The following SYNDIG1L variants were observed in gnomAD, a reference collection of about 807,000 sequenced individuals.
The protein encoded by SYNDIG1L is synapse differentiation inducing 1 like.
SYNDIG1L carries 13 observed loss-of-function variants against 20.1 expected under a neutral mutation model. That is an observed-to-expected ratio of 0.65 (90% confidence interval 0.42 to 1.03). SYNDIG1L has a LOEUF of 1.03. SYNDIG1L is among the 50% of genes least tolerant of loss of function. The pLI is 0.00. For missense variants in SYNDIG1L, 294 were observed against 305.1 expected, an observed-to-expected ratio of 0.96 and a Z score of 0.27; for synonymous variants, 128 against 129.3, an observed-to-expected ratio of 0.99 and a Z score of 0.07.
chr14:74,463,382 C>A, the SYNDIG1L span, among the ~76,000 whole-genome samples: 9 of 152,152 alleles, frequency 5.9e-5, no homozygotes, highest in Non-Finnish European at 1.2e-4. Context: ...TGCAGAGTGT[C>A]CCTTCTTTGC....
chr14:74,420,733 T>C (rs928950901), intron 1 of SYNDIG1L, among the ~76,000 whole-genome samples: 2 of 152,060 alleles, frequency 1.3e-5, no homozygotes, highest in African/African-American at 4.8e-5. Flanking sequence ...TTTAAAAGAA[T>C]AAAATCATAA....
At chr14:74,417,387 A>G (rs2086185246) in intron 1 of SYNDIG1L, among the ~76,000 whole-genome samples, 1 of 152,240 alleles carries the variant, frequency 6.6e-6, no homozygotes, top group Non-Finnish European at 1.5e-5. Flanking sequence ...AGGAGGCATC[A>G]TGAACACTGT....
rs560448823 is a variant in SYNDIG1L at position 74,405,946 on chromosome 14, C to A, written c.*1589G>T. 5.8e-5 allele frequency: 23 copies of A among 398,668 alleles called. No homozygotes were observed. Among genetic ancestry groups the A allele is most frequent in the South Asian group, 2.5e-4 (2 of 7,862 alleles). The allele number at this position is 398,668 out of a possible 1,614,324, so 24.7% of individuals were successfully genotyped here. On this transcript the variant is annotated 3_prime_UTR_variant, in exon 4 of 4. Coordinates refer to ENST00000331628, the MANE Select transcript of SYNDIG1L (RefSeq NM_001105579.2). ...AGGATAAATCAGTACAATAATGGGACCTTAAAACTGCTGTGATGCAGGAGT... is the reference window on the plus strand; with the variant it reads ...AGGATAAATCAGTACAATAATGGGAACTTAAAACTGCTGTGATGCAGGAGT...
In SYNDIG1L at chr14:74,406,378, C is replaced by A; in HGVS notation, c.*1157G>T. On this transcript the variant is annotated 3_prime_UTR_variant, in exon 4 of 4. Coordinates refer to ENST00000331628, the MANE Select transcript of SYNDIG1L (RefSeq NM_001105579.2). ...GAATGGCTGTAGTTTGGCTCCAGCC[C>A]AGATGTTCCAGGCAGAATCCAAACA... The A allele has an allele frequency of 3.4e-6, 1 of 293,646 alleles. No individual in the cohort carries two copies. The highest frequency in any genetic ancestry group is 5.6e-5 in the East Asian group (1 of 17,844). 18.2% of individuals were successfully genotyped at this position (293,646 alleles called of 1,614,324 possible).
At chr14:74,476,225 C>A in the SYNDIG1L span, 14 of 585,550 alleles carry the variant, frequency 2.4e-5, 1 homozygote, top group Middle Eastern at 9.0e-4. Context: ...ATTTCTCCAG[C>A]GCTGAGAACA....
At chr14:74,419,911 A>G (rs926020134) in intron 1 of SYNDIG1L, among the ~76,000 whole-genome samples, 2 of 152,188 alleles carry the variant, frequency 1.3e-5, no homozygotes, top group Non-Finnish European at 2.9e-5. Context: ...CGATGGAATG[A>G]GGCAGGAGAG....
At chr14:74,423,656 T>C (rs2086242014) in intron 1 of SYNDIG1L, among the ~76,000 whole-genome samples, 1 of 151,232 alleles carries the variant, frequency 6.6e-6, no homozygotes, top group South Asian at 2.1e-4. Context: ...TTGAGGGAAA[T>C]TATTATCAGA....
the SYNDIG1L span, among the ~76,000 whole-genome samples, chr14:74,453,531 C>T: frequency 3.9e-5 from 6 of 152,130 alleles, no homozygotes; most frequent in African/African-American, 1.4e-4. Flanking sequence ...GTGATAGTTT[C>T]ATGGGTATAT....
At position 74,407,450 on chromosome 14, in the gene SYNDIG1L, C is replaced by T. The variant is rs959367843; in HGVS notation, c.*85G>A. ...CTCTCACGGGATCATCTTCAGGGGC[C>T]GGGCCTTTCCATAGGGTCTGCAACT... On this transcript the variant is annotated 3_prime_UTR_variant, in exon 4 of 4. Coordinates refer to ENST00000331628, the MANE Select transcript of SYNDIG1L (RefSeq NM_001105579.2). The T allele has an allele frequency of 1.7e-5, 26 of 1,571,126 alleles. No homozygotes were observed. Among genetic ancestry groups the T allele is most frequent in the Admixed American group, 5.1e-5 (3 of 58,984 alleles).
upstream of SYNDIG1L, among the ~76,000 whole-genome samples, chr14:74,427,422 C>T (rs940554201): frequency 1.3e-5 from 2 of 152,102 alleles, no homozygotes; most frequent in Non-Finnish European, 2.9e-5. Context: ...CTCCAGGACT[C>T]CTTCACTCCC....
the SYNDIG1L span, among the ~76,000 whole-genome samples, chr14:74,461,239 C>T: frequency 3.9e-5 from 6 of 152,148 alleles, no homozygotes; most frequent in Admixed American, 1.3e-4. Flanking sequence ...TGAGCCACCG[C>T]GCCCGTCCAT....
chr14:74,448,323 A>G, the SYNDIG1L span, among the ~76,000 whole-genome samples: 1 of 152,188 alleles, frequency 6.6e-6, no homozygotes, highest in Non-Finnish European at 1.5e-5. Flanking sequence ...AAGATATACC[A>G]TGCTCCCATT....
chr14:74,449,438 CAAA>C, the SYNDIG1L span, among the ~76,000 whole-genome samples: 64 of 34,010 alleles, frequency 1.9e-3, no homozygotes, highest in Middle Eastern at 0.013. Context: ...CCTGTCTTTA[CAAA>C]AAAAAAAAAA....
chr14:74,472,705 G>A, the SYNDIG1L span, among the ~76,000 whole-genome samples: 2 of 152,190 alleles, frequency 1.3e-5, no homozygotes, highest in African/African-American at 4.8e-5. Flanking sequence ...GCTTCCTGGA[G>A]GAAGGGACAT....
the SYNDIG1L span, among the ~76,000 whole-genome samples, chr14:74,451,624 A>G: frequency 8.5e-4 from 130 of 152,364 alleles, no homozygotes; most frequent in South Asian, 7.0e-3. Flanking sequence ...TAAAGAGAAC[A>G]AAAAGATAAG....
rs781778322 is a variant in SYNDIG1L, at chr14:74,407,432, G to T, written c.*103C>A. 2.6e-5 allele frequency: 40 copies of T among 1,516,720 alleles called. No individual in the cohort carries two copies. Among genetic ancestry groups the T allele is most frequent in the Non-Finnish European group, 3.5e-5 (39 of 1,116,756 alleles). 94.0% of individuals were successfully genotyped at this position (1,516,720 alleles called of 1,614,324 possible). On this transcript the variant is annotated 3_prime_UTR_variant, in exon 4 of 4. Coordinates refer to ENST00000331628, the MANE Select transcript of SYNDIG1L (RefSeq NM_001105579.2). ...CTCCCCCTCAGCAAGCCACTCTCAC[G>T]GGATCATCTTCAGGGGCCGGGCCTT...
At chr14:74,427,162 T>C (rs957191674), upstream of SYNDIG1L, among the ~76,000 whole-genome samples, 1 of 147,330 alleles carries the variant, frequency 6.8e-6, no homozygotes, top group African/African-American at 2.6e-5. Flanking sequence ...ATCTTGAGTG[T>C]TACCAGTGGA....
At chr14:74,413,490 G>T (rs1346159575) in intron 1 of SYNDIG1L, among the ~76,000 whole-genome samples, 1 of 152,172 alleles carries the variant, frequency 6.6e-6, no homozygotes, top group Non-Finnish European at 1.5e-5. Flanking sequence ...AAAGAAAATG[G>T]TAAATGCATG....
the SYNDIG1L span, among the ~76,000 whole-genome samples, chr14:74,432,359 A>G: frequency 6.6e-6 from 1 of 152,146 alleles, no homozygotes. Context: ...TGAAGCCTTC[A>G]TCCCATCTCT....
Sources: gnomAD v4.1 joint callset for allele counts (sites outside exome capture counted in the v4.1 genomes callset) on GRCh38, gnomAD v4.1.1 for gene constraint, MANE v1.5 for transcripts, NCBI Gene and HGNC (gene_info 2026-07-23, HGNC 2026-07-21) for gene names.